The following DOCK7 variants were observed in gnomAD, a reference collection of about 807,000 sequenced individuals.
DOCK7 encodes dedicator of cytokinesis protein 7.
In DOCK7, 138 loss-of-function variants were observed where a neutral mutation model predicts 271.0. The observed-to-expected ratio is 0.51, with a 90% CI of 0.44 to 0.59. DOCK7 has a LOEUF of 0.59. Among genes scored for constraint, DOCK7 ranks in the 20% least tolerant of loss-of-function variants. The pLI, the probability that DOCK7 is intolerant of heterozygous loss-of-function variation, is 0.00. For synonymous variants in DOCK7, 823 were observed against 876.1 expected (o/e 0.94, Z 1.07); for missense variants, 2,066 against 2,592.4 (o/e 0.80, Z 4.41).
chr1:62,528,358 C>T (rs1259957690), intron 30 of DOCK7, 53 bp from the exon 31 acceptor site: 4 of 1,499,874 alleles, frequency 2.7e-6, no homozygotes, highest in Middle Eastern at 1.7e-4. Context: ...TGAACTAATT[C>T]CCTTTCCTAT....
chr1:62,658,999 C>T (rs191653877), intron 2 of DOCK7, among the ~76,000 whole-genome samples: 34 of 151,334 alleles, frequency 2.2e-4, no homozygotes, highest in Admixed American at 8.6e-4. Flanking sequence ...AGACATACTC[C>T]GATAAAATAA....
At chr1:62,682,208 G>C (rs1374659315) in intron 1 of DOCK7, among the ~76,000 whole-genome samples, 1 of 152,154 alleles carries the variant, frequency 6.6e-6, no homozygotes, top group African/African-American at 2.4e-5. Context: ...TCCAAGCAAG[G>C]GTTTGGCTTT....
chr1:62,528,951 T>A (rs1342499048), intron 30 of DOCK7, among the ~76,000 whole-genome samples: 1 of 152,152 alleles, frequency 6.6e-6, no homozygotes. Context: ...AAGTCAAAAC[T>A]GAGGTGGTAA....
intron 2 of DOCK7, among the ~76,000 whole-genome samples, chr1:62,655,623 G>A (rs1168098): frequency 0.58 from 88,007 of 151,766 alleles, 27,292 homozygotes; most frequent in East Asian, 0.75. Context: ...ACAGGGTCTC[G>A]CCATGTTGCC....
chr1:62,463,117 A>G (rs1017864483), intron 48 of DOCK7, among the ~76,000 whole-genome samples: 1 of 152,166 alleles, frequency 6.6e-6, no homozygotes, highest in African/African-American at 2.4e-5. Flanking sequence ...AGAAATCAGT[A>G]AGGAAAAGAA....
chr1:62,573,162 T>C (rs924879338), intron 18 of DOCK7, among the ~76,000 whole-genome samples: 3 of 152,142 alleles, frequency 2.0e-5, no homozygotes, highest in African/African-American at 7.2e-5. Context: ...AATGCTGCTG[T>C]GTCTACAATT....
intron 22 of DOCK7, among the ~76,000 whole-genome samples, chr1:62,546,298 GAAAGAA>G (rs1220359488): frequency 6.6e-6 from 1 of 152,010 alleles, no homozygotes; most frequent in Non-Finnish European, 1.5e-5. Context: ...AAAAAGAAAA[GAAAGAA>G]AAACCGCAAC....
chr1:62,475,832 G>T lies in DOCK7; in HGVS notation c.5836C>A (p.Pro1946Thr). The T allele has an allele frequency of 6.2e-7, 1 of 1,614,044 alleles. No individual in the cohort carries two copies. The highest frequency in any genetic ancestry group is 8.5e-7 in the Non-Finnish European group (1 of 1,179,954). Residue 1946 changes from proline (P) to threonine (T), a missense_variant, in exon 46 of 50, where the codon CCC (proline) becomes ACC (threonine). Transcript: ENST00000635253. ...TGGGCACGGCCATCTAAAGTAAAGG[G>T]TGTACAGTACATGAATCGACGAAGA... ...YNLRRFMYCTPFTLDGRAHGE... is the reference protein window; with the variant it reads ...YNLRRFMYCTTFTLDGRAHGE...
At chr1:62,459,275 T>G (rs1571166509) in intron 48 of DOCK7, 1 of 151,004 alleles carries the variant, frequency 6.6e-6, no homozygotes, top group Non-Finnish European at 1.5e-5. Context: ...ACAGTGTTGC[T>G]CTGTCACCCA....
At chr1:62,666,062 G>A (rs1026611943) in intron 1 of DOCK7, among the ~76,000 whole-genome samples, 4 of 152,038 alleles carry the variant, frequency 2.6e-5, no homozygotes, top group Admixed American at 6.6e-5. Context: ...TACTCAGGAG[G>A]CTGATGCAGG....
chr1:62,641,553 G>A (rs1656027767), intron 7 of DOCK7: 1 of 468,200 alleles, frequency 2.1e-6, no homozygotes, highest in Non-Finnish European at 4.3e-6. Context: ...TACTTGCAGA[G>A]GAAGGCCAGG....
Position 62,532,524 on chromosome 1 carries a change from A to G in DOCK7, c.3611+2969T>C, listed in dbSNP as rs1269047283. 2.0e-5 allele frequency among the ~76,000 whole-genome samples: 3 copies of G among 152,096 alleles called. No homozygotes were observed. The East Asian group carries it at 5.8e-4, about 29-fold the overall frequency. On this transcript the variant is annotated intron_variant, in intron 29 of 49. Coordinates refer to ENST00000635253, the MANE Select transcript of DOCK7 (RefSeq NM_001367561.1). ...TTAAAAAAATTTTTTTGGTACAGAC[A>G]GGGTCTCACTATGTTGCCTAGGCTG...
chr1:62,650,862 T>G (rs1011692139), intron 4 of DOCK7, among the ~76,000 whole-genome samples: 8 of 152,166 alleles, frequency 5.3e-5, no homozygotes, highest in African/African-American at 1.9e-4. Flanking sequence ...GTAAACTAGT[T>G]CAACCACTGT....
chr1:62,558,320 C>T lies in DOCK7; in HGVS notation c.2431+669G>A, dbSNP rs374590136. 1.1e-4 allele frequency among the ~76,000 whole-genome samples: 17 copies of T among 152,128 alleles called. No individual in the cohort carries two copies. In the South Asian group the frequency reaches 1.5e-3, roughly 13 times the overall value. On this transcript the variant is annotated intron_variant, in intron 20 of 49. Transcript: ENST00000635253. ...AATTATTTCTACTTATAAATCTCCC[C>T]TAAAAAAACTCAAATAATTGAATAC...
In DOCK7 at chr1:62,512,910, C is replaced by T. The variant is rs567539318; in HGVS notation, c.4282+534G>A. Among the ~76,000 whole-genome samples, 276 of 147,926 alleles carry T rather than the reference C, an allele frequency of 1.9e-3. 1 individual carries two copies. Among genetic ancestry groups the T allele is most frequent in the African/African-American group, 6.8e-3 (268 of 39,462 alleles). ...TGGGTGACAGAGCGAGAATCTGTCT[C>T]AACTAAAAAAAAAAAGTAAAAATAG... On this transcript the variant is annotated intron_variant, in intron 33 of 49. Coordinates refer to ENST00000635253, the MANE Select transcript of DOCK7 (RefSeq NM_001367561.1).
chr1:62,473,824 A>C (rs1420360951), intron 48 of DOCK7, among the ~76,000 whole-genome samples, 158 bp downstream of exon 48: 2 of 151,988 alleles, frequency 1.3e-5, no homozygotes, highest in African/African-American at 2.4e-5. Flanking sequence ...GCCTCAAATG[A>C]TTCTTCTGCC....
At chr1:62,515,362 C>T (rs1346561571) in intron 31 of DOCK7, among the ~76,000 whole-genome samples, 1 of 152,192 alleles carries the variant, frequency 6.6e-6, no homozygotes, top group East Asian at 1.9e-4. Flanking sequence ...AACTTTGACC[C>T]TGATCCCTAA....
chr1:62,666,795 C>A (rs1490598064), intron 1 of DOCK7, among the ~76,000 whole-genome samples: 3 of 152,116 alleles, frequency 2.0e-5, no homozygotes, highest in Non-Finnish European at 2.9e-5. Flanking sequence ...TTAATATTAA[C>A]TGCAAAGTAG....
intron 29 of DOCK7, among the ~76,000 whole-genome samples, chr1:62,535,196 T>C (rs1317640660): frequency 6.6e-6 from 1 of 152,174 alleles, no homozygotes; most frequent in African/African-American, 2.4e-5. Context: ...TATCTACTAA[T>C]ATGCATAATT....
Sources: gnomAD v4.1 joint callset for allele counts (sites outside exome capture counted in the v4.1 genomes callset) on GRCh38, gnomAD v4.1.1 for gene constraint, MANE v1.5 for transcripts, NCBI Gene and HGNC (gene_info 2026-07-23, HGNC 2026-07-21) for gene names.